The following ABLIM2 variants were observed in gnomAD, a reference collection of about 807,000 sequenced individuals.
ABLIM2 encodes actin-binding LIM protein 2.
Under a neutral mutation model 97.7 loss-of-function variants are expected in ABLIM2, and 53 were observed. That is an observed-to-expected ratio of 0.54 (90% confidence interval 0.44 to 0.68). The LOEUF is 0.68. ABLIM2 is among the 30% of genes least tolerant of loss of function. The pLI is 0.00. For missense variants in ABLIM2, 835 were observed against 867.2 expected, an observed-to-expected ratio of 0.96 and a Z score of 0.47; for synonymous variants, 361 against 345.8, an observed-to-expected ratio of 1.04 and a Z score of -0.49.
chr4:8,121,783 G>A (rs2152876116), intron 1 of ABLIM2, among the ~76,000 whole-genome samples: 1 of 152,328 alleles, frequency 6.6e-6, no homozygotes, highest in South Asian at 2.1e-4. Context: ...TGACTGCAGG[G>A]CACTGTCCAG....
rs147998405 is a variant in ABLIM2, at chr4:8,097,437, G to A, written c.155-155C>T. ...TGGGGTGGCTTGCTCAACTCTCGGC[G>A]GGCCGGGCTCCTGGGACAGACTCCA... is the stretch of plus-strand genomic sequence containing the variant. On this transcript the variant is annotated intron_variant, in intron 2 of 20. Coordinates refer to ENST00000447017, the MANE Select transcript of ABLIM2 (RefSeq NM_001130083.2). Among the ~76,000 whole-genome samples the A allele has an allele frequency of 3.1e-3, 476 of 152,324 alleles. 4 individuals are homozygous for A. Among genetic ancestry groups the A allele is most frequent in the African/African-American group, 0.011 (454 of 41,576 alleles).
intron 6 of ABLIM2, among the ~76,000 whole-genome samples, chr4:8,074,412 A>C (rs1192372120): frequency 6.6e-6 from 1 of 152,220 alleles, no homozygotes; most frequent in Non-Finnish European, 1.5e-5. Context: ...TGACTTCATC[A>C]CTGCGCTCCA....
chr4:8,047,511 G>A (rs1189704304), intron 8 of ABLIM2, among the ~76,000 whole-genome samples: 1 of 152,152 alleles, frequency 6.6e-6, no homozygotes, highest in Non-Finnish European at 1.5e-5. Flanking sequence ...CTGGGACCAC[G>A]GATTTCTGCA....
At chr4:8,115,071 G>A (rs1006938739) in intron 1 of ABLIM2, among the ~76,000 whole-genome samples, 2 of 152,208 alleles carry the variant, frequency 1.3e-5, no homozygotes, top group African/African-American at 2.4e-5. Flanking sequence ...CCTGAGGACC[G>A]CAAACAGCTT....
rs537140921 is a variant in ABLIM2, at chr4:8,053,435, G to A, written c.822+753C>T. 7.8e-4 allele frequency among the ~76,000 whole-genome samples: 119 copies of A among 152,276 alleles called. 1 individual carries two copies. The highest frequency in any genetic ancestry group is 5.1e-4 in the African/African-American group (21 of 41,538). On this transcript the variant is annotated intron_variant, in intron 8 of 20. Transcript: ENST00000447017. ...CCAGGACCTCCTGAGGCTGTGTCAC[G>A]GGTGCACATCCTTAATCTTGGCAAA...
At chr4:8,006,925 C>T (rs1276434684) in intron 16 of ABLIM2, 5 of 710,874 alleles carry the variant, frequency 7.0e-6, no homozygotes, top group Non-Finnish European at 8.6e-6. Context: ...TGCCTGAATG[C>T]TGGGATCCTG....
chr4:8,110,816 G>A (rs936590673), intron 1 of ABLIM2, among the ~76,000 whole-genome samples: 5 of 152,322 alleles, frequency 3.3e-5, no homozygotes, highest in Admixed American at 6.5e-5. Context: ...TAGACATTGC[G>A]CCGTGGGGAC....
intron 1 of ABLIM2, among the ~76,000 whole-genome samples, chr4:8,133,223 G>A (rs982129286): frequency 6.6e-6 from 1 of 152,158 alleles, no homozygotes; most frequent in African/African-American, 2.4e-5. Context: ...TCATCTGGAC[G>A]AGTTCCATCC....
At chr4:8,041,105 G>A (rs1289886873) in intron 9 of ABLIM2, among the ~76,000 whole-genome samples, 4 of 152,244 alleles carry the variant, frequency 2.6e-5, no homozygotes, top group African/African-American at 7.2e-5. Context: ...GGCCGAGCAG[G>A]AAGTCCATCA....
At chr4:7,972,598 C>T (rs1729013479) in intron 20 of ABLIM2, among the ~76,000 whole-genome samples, 1 of 152,230 alleles carries the variant, frequency 6.6e-6, no homozygotes, top group African/African-American at 2.4e-5. Context: ...GTCCCCTCTG[C>T]AGTGCTGCCT....
chr4:8,074,776 CTTTTTTTTT>C (rs71175458), intron 6 of ABLIM2, among the ~76,000 whole-genome samples: 1 of 105,048 alleles, frequency 9.5e-6, no homozygotes. Context: ...CCTGGTAATT[CTTTTTTTTT>C]TTTTTTTTTT....
intron 3 of ABLIM2, among the ~76,000 whole-genome samples, chr4:8,089,732 C>CAAAAAAAAA (rs58396378): frequency 1.1e-5 from 1 of 87,670 alleles, no homozygotes; most frequent in Non-Finnish European, 2.3e-5. Context: ...AGATTCATAT[C>CAAAAAAAAA]AAAAAAAAAA....
At chr4:8,153,958 C>T (rs370460840) in intron 1 of ABLIM2, among the ~76,000 whole-genome samples, 7 of 99,222 alleles carry the variant, frequency 7.1e-5, no homozygotes, top group Non-Finnish European at 1.5e-4. Context: ...AATTAAACTT[C>T]TTTTCTTTTT....
At chr4:7,981,979 C>A (rs1486376198) in intron 20 of ABLIM2, among the ~76,000 whole-genome samples, 1 of 152,178 alleles carries the variant, frequency 6.6e-6, no homozygotes, top group South Asian at 2.1e-4. Flanking sequence ...GAATGCCTTT[C>A]CAGACTTCCC....
At chr4:8,094,548 C>T (rs1294817264) in intron 3 of ABLIM2, among the ~76,000 whole-genome samples, 1 of 152,166 alleles carries the variant, frequency 6.6e-6, no homozygotes, top group African/African-American at 2.4e-5. Context: ...AGGAACAGAA[C>T]AGGACAGGGA....
intron 2 of ABLIM2, among the ~76,000 whole-genome samples, chr4:8,097,726 C>T (rs1394653785): frequency 2.0e-5 from 3 of 152,084 alleles, no homozygotes; most frequent in Non-Finnish European, 2.9e-5. Flanking sequence ...TGCTGGGGGC[C>T]GAAGGTTCCC....
In ABLIM2 at chr4:8,113,350, C is replaced by G. The variant is rs777263234; in HGVS notation, c.11-6713G>C. On this transcript the variant is annotated intron_variant, in intron 1 of 20. Transcript: ENST00000447017. The surrounding 1 kb of genome is among the most constrained non-coding windows in gnomAD (Gnocchi z 4.5). ...GCTCAAGTGATCCTCCCATGTCAGC[C>G]TCCCAAAGTGCTGGGATTACAGGCA... is the stretch of plus-strand genomic sequence containing the variant. Among the ~76,000 whole-genome samples, 2 of 152,196 alleles carry G rather than the reference C, an allele frequency of 1.3e-5. No individual in the cohort carries two copies. The highest frequency in any genetic ancestry group is 6.5e-5 in the Admixed American group (1 of 15,284).
At chr4:8,080,255 C>T (rs1818936099) in intron 5 of ABLIM2, among the ~76,000 whole-genome samples, 1 of 152,234 alleles carries the variant, frequency 6.6e-6, no homozygotes, top group Non-Finnish European at 1.5e-5. Flanking sequence ...AGCCCCCTCT[C>T]CTCATCTCCA....
intron 7 of ABLIM2, among the ~76,000 whole-genome samples, chr4:8,059,022 C>A (rs542720334): frequency 2.6e-5 from 4 of 152,146 alleles, no homozygotes; most frequent in Non-Finnish European, 5.9e-5. Flanking sequence ...CAAAATCTCA[C>A]CCCCTCTCTC....
Sources: gnomAD v4.1 joint callset for allele counts (sites outside exome capture counted in the v4.1 genomes callset) on GRCh38, gnomAD v4.1.1 for gene constraint, Gnocchi (gnomAD v3.1) non-coding constraint, MANE v1.5 for transcripts, NCBI Gene and HGNC (gene_info 2026-07-23, HGNC 2026-07-21) for gene names.